PRH1: variants seen among roughly 807,000 people sequenced by gnomAD.
The protein encoded by PRH1 is proline rich protein HaeIII subfamily 1, also known as salivary acidic proline-rich phosphoprotein 1/2.
In PRH1, 7 loss-of-function variants were observed where a neutral mutation model predicts 7.9. The observed-to-expected ratio is 0.89, with a 90% CI of 0.50 to 1.67. The LOEUF (loss-of-function observed/expected upper bound fraction) is 1.67, where lower values mean the gene tolerates loss of function less well. PRH1 is among the 40% of genes most tolerant of loss of function. PRH1 has a pLI of 0.00. For synonymous variants in PRH1, 45 were observed against 80.8 expected (o/e 0.56, Z 2.38); for missense variants, 109 against 223.6 (o/e 0.49, Z 3.27).
At position 11,015,035 on chromosome 12, in the gene PRH1, T is replaced by G. The variant is rs35901649; in HGVS notation, c.-126+31985A>C. Among the ~76,000 whole-genome samples, 1,023 of 152,088 alleles carry G rather than the reference T, an allele frequency of 6.7e-3. 8 individuals carry two copies. Among genetic ancestry groups the G allele is most frequent in the Non-Finnish European group, 0.011 (770 of 67,984 alleles). On this transcript the variant is annotated intron_variant, in intron 1 of 3. Transcript: ENST00000539853. ...AAATTGCTAGTCAGCAGCTCAGGAATAGGGCGAGTAGGCTGAGGCATACGT... is the reference window on the plus strand; with the variant it reads ...AAATTGCTAGTCAGCAGCTCAGGAAGAGGGCGAGTAGGCTGAGGCATACGT...
intron 1 of PRH1, among the ~76,000 whole-genome samples, chr12:11,106,062 T>A (rs1945404144): frequency 1.0e-5 from 1 of 95,502 alleles, no homozygotes; most frequent in Non-Finnish European, 2.4e-5. Context: ...TGCCTCAGCC[T>A]CCCGAGTAGC....
At chr12:10,904,805 TA>T in intron 2 of PRH1, among the ~76,000 whole-genome samples, 1 of 152,112 alleles carries the variant, frequency 6.6e-6, no homozygotes, top group South Asian at 2.1e-4. Flanking sequence ...CCCAAATCTA[TA>T]AGGAATGGAA....
chr12:11,064,258 T>G (rs1425016078), intron 1 of PRH1, among the ~76,000 whole-genome samples: 3 of 152,184 alleles, frequency 2.0e-5, no homozygotes, highest in African/African-American at 7.2e-5. Flanking sequence ...TTGCACTGCG[T>G]GTAGGTGCAA....
intron 2 of PRH1, chr12:10,908,371 T>C: frequency 1.9e-6 from 3 of 1,599,280 alleles, no homozygotes; most frequent in South Asian, 1.1e-5. Context: ...GAATGGCTTA[T>C]GAAATTGTGA....
intron 1 of PRH1, among the ~76,000 whole-genome samples, chr12:11,029,976 G>A (rs1318138354): frequency 2.0e-5 from 3 of 152,084 alleles, no homozygotes; most frequent in Non-Finnish European, 4.4e-5. Context: ...AGCACAATGT[G>A]GTGTATTCCT....
chr12:10,958,350 A>G (rs1001330625), intron 2 of PRH1, among the ~76,000 whole-genome samples: 1 of 152,142 alleles, frequency 6.6e-6, no homozygotes, highest in African/African-American at 2.4e-5. Flanking sequence ...TGGGTGCTAA[A>G]CATTGAGTAC....
intron 2 of PRH1, chr12:10,937,814 TC>T (rs1283400956): frequency 1.3e-5 from 2 of 153,094 alleles, no homozygotes; most frequent in Non-Finnish European, 2.9e-5. Context: ...TACACGCTAA[TC>T]AGGTACTAAA....
rs1189198142 is a variant in PRH1 at position 10,929,385 on chromosome 12, G to A, written c.-59+44270C>T. ...ATTGTGACTCTGATTGGGGTTTACG[G>A]GCGAATGCTATAGAGGGGGAAAGTG... is the stretch of plus-strand genomic sequence containing the variant. On this transcript the variant is annotated intron_variant, in intron 2 of 3. Coordinates refer to the PRH1 transcript ENST00000539853. 3.7e-6 allele frequency: 6 copies of A among 1,610,682 alleles called. No individual in the cohort carries two copies. The South Asian group carries it at 6.6e-5, about 18-fold the overall frequency.
intron 1 of PRH1, among the ~76,000 whole-genome samples, chr12:11,020,834 G>T (rs1402477967): frequency 6.6e-6 from 1 of 151,972 alleles, no homozygotes; most frequent in Admixed American, 6.6e-5. Context: ...GAAATTCAGG[G>T]GCTCAAGGTG....
chr12:10,995,896 A>G (rs372919475), intron 1 of PRH1, among the ~76,000 whole-genome samples: 7 of 152,110 alleles, frequency 4.6e-5, no homozygotes, highest in East Asian at 3.8e-4. Context: ...AGCTATTAAC[A>G]TACTATATTA....
chr12:10,948,847 CTT>C (rs1950527367), intron 2 of PRH1, among the ~76,000 whole-genome samples: 1 of 152,114 alleles, frequency 6.6e-6, no homozygotes, highest in African/African-American at 2.4e-5. Flanking sequence ...TTGAAGCTGA[CTT>C]TGTGTCTCTG....
chr12:11,045,165 T>C (rs757378878), intron 1 of PRH1, among the ~76,000 whole-genome samples: 1 of 152,004 alleles, frequency 6.6e-6, no homozygotes, highest in Non-Finnish European at 1.5e-5. Flanking sequence ...AATATATGGA[T>C]AGAATTGGAG....
chr12:11,151,270 T>G (rs1947072046), intron 1 of PRH1, among the ~76,000 whole-genome samples: 1 of 120,306 alleles, frequency 8.3e-6, no homozygotes, highest in African/African-American at 2.8e-5. Flanking sequence ...CTGGTCATCC[T>G]TGCTTTTTTT....
At chr12:10,979,903 T>G (rs1190821213) in intron 1 of PRH1, among the ~76,000 whole-genome samples, 1 of 152,158 alleles carries the variant, frequency 6.6e-6, no homozygotes, top group Non-Finnish European at 1.5e-5. Context: ...AAGGAAAGAC[T>G]GTAGGAGAAA....
chr12:11,053,592 T>C (rs750713729), intron 1 of PRH1, among the ~76,000 whole-genome samples: 6 of 152,248 alleles, frequency 3.9e-5, no homozygotes, highest in African/African-American at 7.2e-5. Context: ...TTTCCCACAA[T>C]GATATCTCTT....
intron 2 of PRH1, among the ~76,000 whole-genome samples, chr12:10,922,023 A>G (rs1950052474): frequency 6.6e-6 from 1 of 151,040 alleles, no homozygotes; most frequent in South Asian, 2.1e-4. Context: ...ACCTGTCTTG[A>G]CCTCCCAATG....
At position 11,144,201 on chromosome 12, in the gene PRH1, C is replaced by T. The variant is rs190818679; in HGVS notation, n.40-23021G>A. 4.5e-4 allele frequency among the ~76,000 whole-genome samples: 68 copies of T among 151,930 alleles called. 1 individual carries two copies. The East Asian group carries it at 0.012, about 26-fold the overall frequency. On this transcript the variant is annotated intron_variant and non_coding_transcript_variant, in intron 1 of 1. Coordinates refer to the PRH1 transcript ENST00000541175. ...CACTACCAGGGTGGATAGGGAAGGACCATCAGGTGGGGGCAGGGCTAGGCA... is the reference window on the plus strand; with the variant it reads ...CACTACCAGGGTGGATAGGGAAGGATCATCAGGTGGGGGCAGGGCTAGGCA...
In PRH1 at chr12:11,102,103, A is replaced by G. The variant is rs1380065288; in HGVS notation, n.124-54915T>C. Among the ~76,000 whole-genome samples the G allele has an allele frequency of 2.0e-5, 3 of 152,204 alleles. No homozygotes were observed. In the East Asian group the frequency reaches 5.8e-4, roughly 29 times the overall value. On this transcript the variant is annotated intron_variant and non_coding_transcript_variant, in intron 1 of 4. Coordinates refer to the PRH1 transcript ENST00000541977. ...GATAGGAAGAATCAATATCATGAAA[A>G]TGGCCATACTTCCCAAGGTAATTTA...
chr12:11,076,563 CA>C (rs1269290668), intron 1 of PRH1, among the ~76,000 whole-genome samples: 2 of 109,488 alleles, frequency 1.8e-5, no homozygotes, highest in East Asian at 4.5e-4. Context: ...GTCAACTTCA[CA>C]AAAGGTTTCC....
Sources: gnomAD v4.1 joint callset for allele counts (sites outside exome capture counted in the v4.1 genomes callset) on GRCh38, gnomAD v4.1.1 for gene constraint, MANE v1.5 for transcripts, NCBI Gene and HGNC (gene_info 2026-07-23, HGNC 2026-07-21) for gene names.